SDK2: variants seen among roughly 807,000 people sequenced by gnomAD.
SDK2 encodes the protein sidekick cell adhesion molecule 2, also known as protein sidekick-2.
Under a neutral mutation model 253.9 loss-of-function variants are expected in SDK2, and 105 were observed. The observed-to-expected ratio is 0.41, with a 90% CI of 0.35 to 0.49. The LOEUF is 0.49. Ranked by LOEUF, SDK2 falls within the 20% of genes least tolerant of loss-of-function variation. The pLI is 0.06. For missense variants in SDK2, 2,608 were observed against 3,003.0 expected, an observed-to-expected ratio of 0.87 and a Z score of 3.07; for synonymous variants, 1,249 against 1,234.9, an observed-to-expected ratio of 1.01 and a Z score of -0.24.
rs141336525 is a variant in SDK2 at position 73,510,989 on chromosome 17, C to T, written c.65-3392G>A. 1.2e-3 allele frequency among the ~76,000 whole-genome samples: 179 copies of T among 152,314 alleles called. 2 individuals carry two copies. In the East Asian group the frequency reaches 0.017, roughly 14 times the overall value. ...GTGCCTCCAGGGTCTTAGGCCACCT[C>T]TGGCCAGGTGCTAGGGAGGATGGAG... On this transcript the variant is annotated intron_variant, in intron 1 of 44. Coordinates refer to ENST00000392650, the MANE Select transcript of SDK2 (RefSeq NM_001144952.2).
Position 73,447,744 on chromosome 17 carries a change from T to C in SDK2, c.484A>G (p.Ile162Val). ...ATGACAAGGGTGTTCTCCAGCGTGA[T>C]GGCTCTGGGAAGAGGAAAAGGATTC... ...RKIPPSSRIA[I>V]TLENTLVILS... The change falls in exon 5 of 45, where the codon ATC becomes GTC. Residue 162 changes from isoleucine to valine, a missense_variant. By Grantham distance (29) the Ile-to-Val change is conservative. Transcript: ENST00000392650. The surrounding 1 kb of genome is among the most constrained non-coding windows in gnomAD (Gnocchi z 4.0). The C allele has an allele frequency of 1.9e-6, 3 of 1,551,672 alleles. No homozygotes were observed. Among genetic ancestry groups the C allele is most frequent in the Non-Finnish European group, 2.6e-6 (3 of 1,146,994 alleles).
intron 1 of SDK2, among the ~76,000 whole-genome samples, chr17:73,547,067 G>T (rs1257150248): frequency 6.6e-6 from 1 of 152,220 alleles, no homozygotes; most frequent in Non-Finnish European, 1.5e-5. Flanking sequence ...AGTCAGGGTG[G>T]TTGGTCCTAG....
At chr17:73,355,440 G>A (rs978874506) in intron 40 of SDK2, among the ~76,000 whole-genome samples, 1 of 151,408 alleles carries the variant, frequency 6.6e-6, no homozygotes, top group South Asian at 2.1e-4. Context: ...TCCGGCTTCC[G>A]GGTTCTCCTG....
intron 1 of SDK2, among the ~76,000 whole-genome samples, chr17:73,529,566 T>C (rs1011094033): frequency 6.6e-6 from 1 of 152,110 alleles, no homozygotes; most frequent in African/African-American, 2.4e-5. Context: ...GCAGGTGTAA[T>C]TCTTCCTGTT....
At chr17:73,399,696 G>C (rs2063006569) in intron 21 of SDK2, among the ~76,000 whole-genome samples, 2 of 152,196 alleles carry the variant, frequency 1.3e-5, no homozygotes, top group African/African-American at 4.8e-5. Flanking sequence ...CCAGACCCCT[G>C]CACACCTCCT....
intron 1 of SDK2, among the ~76,000 whole-genome samples, chr17:73,604,795 G>A (rs748586711): frequency 2.0e-4 from 31 of 152,328 alleles, no homozygotes; most frequent in South Asian, 6.2e-4. Context: ...AGACCACGCC[G>A]AGGTCCAGGA....
chr17:73,358,048 T>C (rs776017866), intron 40 of SDK2, 31 bp downstream of exon 40: 2 of 1,612,648 alleles, frequency 1.2e-6, no homozygotes, highest in Admixed American at 1.7e-5. Context: ...TAATGAGCTG[T>C]GGGGTCTCAG....
At chr17:73,373,855 T>C (rs2062755848) in intron 36 of SDK2, among the ~76,000 whole-genome samples, 1 of 151,400 alleles carries the variant, frequency 6.6e-6, no homozygotes, top group Non-Finnish European at 1.5e-5. Flanking sequence ...CAGGCTGGTC[T>C]CGAACTACTG....
intron 1 of SDK2, among the ~76,000 whole-genome samples, chr17:73,571,327 C>T (rs529885312): frequency 6.6e-6 from 1 of 152,188 alleles, no homozygotes; most frequent in East Asian, 2.0e-4. Context: ...ACCCAACCAC[C>T]GGCTTCCTGC....
chr17:73,552,616 G>A (rs771587640), intron 1 of SDK2, among the ~76,000 whole-genome samples: 5 of 152,250 alleles, frequency 3.3e-5, no homozygotes, highest in African/African-American at 4.8e-5. Flanking sequence ...CGAGCATCAC[G>A]CCCACTTGAG....
At chr17:73,461,984 A>T (rs1339754625) in intron 3 of SDK2, among the ~76,000 whole-genome samples, 2 of 151,928 alleles carry the variant, frequency 1.3e-5, no homozygotes, top group African/African-American at 4.8e-5. Context: ...ATATGCATGT[A>T]TGCATGTGTC....
At chr17:73,498,713 C>T (rs1370150386) in intron 2 of SDK2, among the ~76,000 whole-genome samples, 3 of 152,248 alleles carry the variant, frequency 2.0e-5, no homozygotes, top group South Asian at 2.1e-4. Flanking sequence ...TCAGAAGAAC[C>T]GAAGTAAAAG....
chr17:73,570,998 G>A lies in SDK2; in HGVS notation c.65-63401C>T, dbSNP rs2045377643. 1.3e-5 allele frequency among the ~76,000 whole-genome samples: 2 copies of A among 152,082 alleles called. No individual in the cohort carries two copies. The highest frequency in any genetic ancestry group is 4.1e-4 in the South Asian group (2 of 4,820). On this transcript the variant is annotated intron_variant, in intron 1 of 44. Coordinates refer to ENST00000392650, the MANE Select transcript of SDK2 (RefSeq NM_001144952.2). This position sits in a 1 kb window ranked among gnomAD's most constrained non-coding sequence, Gnocchi z 4.2. ...GGCTGCTGGGACCTTCCCAATGCCT[G>A]GGTGAAACTCCAGAGAACGAACTCT...
At chr17:73,492,194 T>C (rs2063810392) in intron 2 of SDK2, among the ~76,000 whole-genome samples, 1 of 152,126 alleles carries the variant, frequency 6.6e-6, no homozygotes, top group South Asian at 2.1e-4. Context: ...CACAACTTCA[T>C]GGCCAGCCCA....
chr17:73,393,871 G>A, intron 26 of SDK2, 122 bp from the exon 27 acceptor site: 1 of 761,138 alleles, frequency 1.3e-6, no homozygotes, highest in Admixed American at 3.2e-5. Context: ...TCCAGACCAG[G>A]GCTGGACCAT....
intron 3 of SDK2, among the ~76,000 whole-genome samples, chr17:73,469,980 C>CTGCG (rs1555585090): frequency 1.1e-5 from 1 of 87,720 alleles, no homozygotes; most frequent in East Asian, 4.0e-4. Context: ...GCATTTGCGA[C>CTGCG]TGCGCGCGCG....
Position 73,541,722 on chromosome 17 carries a change from C to A in SDK2, c.65-34125G>T, listed in dbSNP as rs146383759. Among the ~76,000 whole-genome samples the A allele has an allele frequency of 6.6e-6, 1 of 152,138 alleles. No individual in the cohort carries two copies. The highest frequency in any genetic ancestry group is 2.4e-5 in the African/African-American group (1 of 41,434). On this transcript the variant is annotated intron_variant, in intron 1 of 44. Transcript: ENST00000392650. This position sits in a 1 kb window ranked among gnomAD's most constrained non-coding sequence, Gnocchi z 4.3. ...ATGCACAGCGGCAGAAGGAAGGGGG[C>A]GCGGGGCGGAGTCACGCTGAGTGAC...
intron 1 of SDK2, among the ~76,000 whole-genome samples, chr17:73,528,354 A>G (rs1010397320): frequency 1.3e-5 from 2 of 152,180 alleles, no homozygotes; most frequent in African/African-American, 2.4e-5. Flanking sequence ...GCAGTGAAAG[A>G]AGTAACACGT....
At chr17:73,582,647 G>A (rs2045552316) in intron 1 of SDK2, among the ~76,000 whole-genome samples, 1 of 152,212 alleles carries the variant, frequency 6.6e-6, no homozygotes, top group Non-Finnish European at 1.5e-5. Flanking sequence ...CAGCCTGGAT[G>A]TAGGGAGAGG....
Sources: gnomAD v4.1 joint callset for allele counts (sites outside exome capture counted in the v4.1 genomes callset) on GRCh38, gnomAD v4.1.1 for gene constraint, Gnocchi (gnomAD v3.1) non-coding constraint, MANE v1.5 for transcripts, NCBI Gene and HGNC (gene_info 2026-07-23, HGNC 2026-07-21) for gene names.